WDR90: variants seen among roughly 807,000 people sequenced by gnomAD.
The protein encoded by WDR90 is WD repeat-containing protein 90.
WDR90 carries 238 observed loss-of-function variants against 195.2 expected under a neutral mutation model. The observed-to-expected ratio is 1.22, with a 90% confidence interval of 1.10 to 1.36. The LOEUF is 1.36. Ranked by LOEUF, WDR90 falls within the 40% of genes most tolerant of loss-of-function variation. The pLI, the probability that WDR90 is intolerant of heterozygous loss-of-function variation, is 0.00. For missense variants in WDR90, 2,734 were observed against 2,439.5 expected, an observed-to-expected ratio of 1.12 and a Z score of -2.54; for synonymous variants, 1,265 against 1,052.4, an observed-to-expected ratio of 1.20 and a Z score of -3.91.
chr16:655,038 G>A lies in WDR90; in HGVS notation c.1447G>A (p.Ala483Thr), dbSNP rs1596461344. 1.2e-6 allele frequency: 2 copies of A among 1,612,574 alleles called. 1 individual carries two copies. The highest frequency in any genetic ancestry group is 3.3e-5 in the Admixed American group (2 of 60,016). ...KDHHGRTMVV[A>T]WGTGQVGLGG... is the part of the protein sequence containing the mutation. ...CCTGGGCTTGTTGCAGATGGTGGTG[G>A]CCTGGGGCACCGGCCAGGTGGGCCT... is the stretch of plus-strand genomic sequence containing the variant. Residue 483 changes from alanine (A) to threonine (T), a missense_variant, in exon 14 of 41, where the codon GCC (alanine) becomes ACC (threonine). Coordinates refer to ENST00000293879, the MANE Select transcript of WDR90 (RefSeq NM_145294.5).
Position 653,008 on chromosome 16 carries a change from GTGTT to G in WDR90, c.1123-330_1123-327del, listed in dbSNP as rs754000654. Among the ~76,000 whole-genome samples the G allele has an allele frequency of 6.0e-4, 92 of 152,354 alleles. 1 individual carries two copies. The highest frequency in any genetic ancestry group is 3.4e-3 in the Middle Eastern group (1 of 294). ...AGGCCCTGCTGGGTGCCTGCTCTGA[GTGTT>G]TGGGGGCCCTTTGGCCTTTTGTTAC... On this transcript the variant is annotated intron_variant, in intron 10 of 40. Transcript: ENST00000293879.
chr16:658,658 G>C lies in WDR90; in HGVS notation c.2895+5G>C, dbSNP rs1190083939. 1 of 1,603,296 alleles carries C rather than the reference G, an allele frequency of 6.2e-7. No individual in the cohort carries two copies. ...CAGGCCAGCCCAGGCCCCCAGGTGT[G>C]TGCGTGGGGAGGCAGGTGGCTTTGG... On this transcript the variant is annotated splice_donor_5th_base_variant and intron_variant, in intron 23 of 40. Coordinates refer to ENST00000293879, the MANE Select transcript of WDR90 (RefSeq NM_145294.5).
rs1162821772 is a variant in WDR90 at position 659,341 on chromosome 16, T to C, written c.3149T>C (p.Leu1050Pro). Residue 1050 changes from leucine to proline, a missense_variant, in exon 26 of 41, where the codon CTG becomes CCG. Physicochemically the swap from Leu to Pro is moderately conservative, Grantham distance 98. Transcript: ENST00000293879. Reference sequence around the variant, plus strand: ...CCATGTCAGGCATCTCCACCACGGCTGGGCGTCTGTGCCAGGCCTCCCGAA... The same window carrying C: ...CCATGTCAGGCATCTCCACCACGGCCGGGCGTCTGTGCCAGGCCTCCCGAA... ...PKPCQASPPR[L>P]GVCARPPEGG... The C allele has an allele frequency of 1.3e-6, 2 of 1,594,496 alleles. No homozygotes were observed. Among genetic ancestry groups the C allele is most frequent in the Admixed American group, 1.8e-5 (1 of 56,556 alleles).
In WDR90 at chr16:660,068, C is replaced by T. The variant is rs2151293785; in HGVS notation, c.3195C>T (p.Asp1065=). 6.5e-7 allele frequency: 1 copy of T among 1,544,682 alleles called. No individual in the cohort carries two copies. Among genetic ancestry groups the T allele is most frequent in the Non-Finnish European group, 8.7e-7 (1 of 1,146,742 alleles). ...RPPEGGDGAR[D]TRNSGAPRTT... ...CCTCCTCCCTGCCAGGCGCCAGGGA[C>T]ACCAGGAATTCGGGGGCCCCACGCA... Residue 1065 remains aspartate, a synonymous_variant, in exon 27 of 41, where the codon GAC becomes GAT. Coordinates refer to ENST00000293879, the MANE Select transcript of WDR90 (RefSeq NM_145294.5).
Position 666,710 on chromosome 16 carries a change from GC to G in WDR90, c.4925del (p.Pro1642LeufsTer7). The G allele has an allele frequency of 6.2e-7, 1 of 1,612,832 alleles. No individual in the cohort carries two copies. The highest frequency in any genetic ancestry group is 8.5e-7 in the Non-Finnish European group (1 of 1,179,978). On this transcript the variant is annotated frameshift_variant, in exon 39 of 41. Transcript: ENST00000293879. LOFTEE classifies it high-confidence loss of function. ...GHLPPSLAAF[C>X]PWDGALLMYV... ...CTGCCACCCTCCCTCGCTGCCTTCTGCCCTTGGGATGGGGCGCTCCTGATGT... is the reference window on the plus strand; with the variant it reads ...CTGCCACCCTCCCTCGCTGCCTTCTGCCTTGGGATGGGGCGCTCCTGATGT...
chr16:657,311 T>A, intron 20 of WDR90, 90 bp downstream of exon 20: 1 of 1,443,332 alleles, frequency 6.9e-7, no homozygotes. Flanking sequence ...CACATGCCGG[T>A]TTCCTGGTGC....
chr16:655,438 ACGGCTGCCCGGAGCCCT>A lies in WDR90; in HGVS notation c.1697_1713del (p.Pro566HisfsTer15). ...GACCTGGCCTTCAAGCAGGCCCGGG[ACGGCTGCCCGGAGCCCT>A]CGGCTGCCATGCTGTGAGTCCCTGC... On this transcript the variant is annotated frameshift_variant, in exon 15 of 41. Transcript: ENST00000293879. LOFTEE classifies it high-confidence loss of function. The A allele has an allele frequency of 1.9e-6, 3 of 1,564,412 alleles. No individual in the cohort carries two copies. The highest frequency in any genetic ancestry group is 2.6e-6 in the Non-Finnish European group (3 of 1,158,604).
chr16:655,539 A>AGGGCCTCACCTTCCCTGC, intron 15 of WDR90, 34 bp from the exon 16 acceptor site: 4 of 1,553,776 alleles, frequency 2.6e-6, no homozygotes, highest in Non-Finnish European at 3.5e-6. Context: ...CCCTTCCCTG[A>AGGGCCTCACCTTCCCTGC]GGGCCTCACC....
chr16:661,572 C>T (rs8062682), intron 30 of WDR90, 25 bp from the exon 31 acceptor site: 412,078 of 1,579,036 alleles, frequency 0.26, 62,055 homozygotes, highest in East Asian at 0.67. Flanking sequence ...GTGCACCTGA[C>T]GTGGCTGCTC....
intron 11 of WDR90, 30 bp downstream of exon 11, chr16:653,481 A>G: frequency 6.2e-7 from 1 of 1,612,354 alleles, no homozygotes. Context: ...GGGGCAGCTC[A>G]CACCTGCAGC....
intron 20 of WDR90, among the ~76,000 whole-genome samples, 185 bp from the exon 21 acceptor site, chr16:657,577 C>G (rs867353532): frequency 6.6e-6 from 1 of 152,234 alleles, no homozygotes. Flanking sequence ...CACGGGGACT[C>G]CCAGCTCCCC....
chr16:660,990 G>GCCCCCCCCCCCCCCCCC, intron 28 of WDR90, 61 bp from the exon 29 acceptor site: 2 of 21,752 alleles, frequency 9.2e-5, no homozygotes, highest in Non-Finnish European at 1.3e-4. Context: ...CCCTCCCCAG[G>GCCCCCCCCCCCCCCCCC]CCCCTCCCCG....
chr16:655,332 G>GT lies in WDR90; in HGVS notation c.1583dup (p.Arg529AlafsTer58). 1 of 1,604,198 alleles carries GT rather than the reference G, an allele frequency of 6.2e-7. No homozygotes were observed. The highest frequency in any genetic ancestry group is 1.3e-5 in the African/African-American group (1 of 75,020). ...GATGGCGTCGTGCGGGCAGGGCAGT[G>GT]TGCGGCTCTGGCGGCTGCGTGGCGG... On this transcript the variant is annotated frameshift_variant, in exon 15 of 41. Transcript: ENST00000293879. LOFTEE classifies it high-confidence loss of function.
Position 656,284 on chromosome 16 carries a change from A to G in WDR90, c.1967-18A>G. ...CCCGGGGTGGCCCTGGAGGCCCCTG[A>G]CCCCACCCCACCCACAGAGCACGAG... On this transcript the variant is annotated intron_variant, in intron 17 of 40. Coordinates refer to ENST00000293879, the MANE Select transcript of WDR90 (RefSeq NM_145294.5). The G allele has an allele frequency of 5.2e-6, 7 of 1,352,128 alleles. No individual in the cohort carries two copies. The highest frequency in any genetic ancestry group is 2.3e-5 in the East Asian group (1 of 43,448). The allele number at this position is 1,352,128 out of a possible 1,614,324, so 83.8% of individuals were successfully genotyped here.
chr16:665,926 A>T, intron 35 of WDR90, 24 bp from the exon 36 acceptor site: 1 of 1,570,808 alleles, frequency 6.4e-7, no homozygotes, highest in Non-Finnish European at 8.6e-7. Flanking sequence ...TGAGTGCTGA[A>T]GTTTCCCCAC....
chr16:652,572 T>A (rs757044123), intron 10 of WDR90, 37 bp downstream of exon 10: 1 of 1,569,936 alleles, frequency 6.4e-7, no homozygotes, highest in Admixed American at 1.8e-5. Context: ...GCAGCTCTCG[T>A]TGGCCGGCTC....
At chr16:656,970 G>A in intron 19 of WDR90, 99 bp downstream of exon 19, 1 of 1,554,380 alleles carries the variant, frequency 6.4e-7, no homozygotes, top group African/African-American at 1.4e-5. Flanking sequence ...GCTGGCTGGA[G>A]CCCCACCCTT....
chr16:654,649 T>C (rs2037710307), intron 13 of WDR90: 1 of 210,958 alleles, frequency 4.7e-6, no homozygotes, highest in Non-Finnish European at 9.6e-6. Context: ...AGGGTTTCAT[T>C]ACATTGCTCA....
Position 661,148 on chromosome 16 carries a change from G to T in WDR90, c.3489G>T (p.Thr1163=), listed in dbSNP as rs771477836. The T allele has an allele frequency of 6.4e-7, 1 of 1,556,656 alleles. No homozygotes were observed. The highest frequency in any genetic ancestry group is 8.6e-7 in the Non-Finnish European group (1 of 1,157,630). Residue 1163 remains threonine, a synonymous_variant, in exon 29 of 41, where the codon ACG becomes ACT. Coordinates refer to ENST00000293879, the MANE Select transcript of WDR90 (RefSeq NM_145294.5). ...HWSGHSAEIS[T]LALSHSAQVL... ...CCGGCCACTCTGCGGAGATCTCCAC[G>T]CTGGCCCTCAGCCACAGTGCCCAGG...
Sources: gnomAD v4.1 joint callset for allele counts (sites outside exome capture counted in the v4.1 genomes callset) on GRCh38, gnomAD v4.1.1 for gene constraint, MANE v1.5 for transcripts, NCBI Gene and HGNC (gene_info 2026-07-23, HGNC 2026-07-21) for gene names.